MEI4: variants seen among roughly 807,000 people sequenced by gnomAD.
MEI4 encodes the protein meiosis-specific protein MEI4.
Under a neutral mutation model 31.4 loss-of-function variants are expected in MEI4, and 27 were observed. The observed-to-expected ratio is 0.86, with a 90% CI of 0.63 to 1.19. MEI4 has a LOEUF of 1.19. Ranked by LOEUF, MEI4 falls within the 50% of genes most tolerant of loss-of-function variation. The probability of loss-of-function intolerance (pLI) is 0.00; values close to 1 mark genes in which losing one functional copy is unlikely to be tolerated. For missense variants in MEI4, 329 were observed against 398.9 expected, an observed-to-expected ratio of 0.82 and a Z score of 1.49; for synonymous variants, 122 against 145.4, an observed-to-expected ratio of 0.84 and a Z score of 1.16.
intron 3 of MEI4, among the ~76,000 whole-genome samples, chr6:77,816,940 C>G (rs541626260): frequency 6.6e-6 from 1 of 152,100 alleles, no homozygotes; most frequent in Non-Finnish European, 1.5e-5. Flanking sequence ...AGACATGTAT[C>G]TGTTAAGATC....
At chr6:77,803,215 ATTCAT>A (rs1009074458) in intron 3 of MEI4, among the ~76,000 whole-genome samples, 2 of 151,982 alleles carry the variant, frequency 1.3e-5, no homozygotes, top group African/African-American at 4.8e-5. Context: ...ACTTCATTTC[ATTCAT>A]TTCATCTTCC....
intron 2 of MEI4, among the ~76,000 whole-genome samples, chr6:77,712,582 T>C (rs913493661): frequency 1.3e-5 from 2 of 152,202 alleles, no homozygotes; most frequent in Non-Finnish European, 2.9e-5. Flanking sequence ...AAAAGACTTA[T>C]AGATACTAAT....
At chr6:77,907,187 G>A (rs1363991107) in intron 4 of MEI4, among the ~76,000 whole-genome samples, 2 of 151,936 alleles carry the variant, frequency 1.3e-5, no homozygotes, top group East Asian at 3.9e-4. Flanking sequence ...TGCATAACAT[G>A]CAGGTTTGTT....
rs991122898 is a variant in MEI4, at chr6:77,847,459, A to G, written c.900+18397A>G. Among the ~76,000 whole-genome samples the G allele has an allele frequency of 1.3e-5, 2 of 152,194 alleles. No individual in the cohort carries two copies. The highest frequency in any genetic ancestry group is 2.9e-5 in the Non-Finnish European group (2 of 68,036). ...ATGATGAGGTCTATCAGTCACTGAA[A>G]AGAAGTCAGCAGAGTCATTTCAGTG... On this transcript the variant is annotated intron_variant, in intron 4 of 4. Transcript: ENST00000684080. The surrounding 1 kb of genome is among the most constrained non-coding windows in gnomAD (Gnocchi z 4.6).
At chr6:77,906,320 T>G (rs1018317031) in intron 4 of MEI4, among the ~76,000 whole-genome samples, 3 of 152,146 alleles carry the variant, frequency 2.0e-5, no homozygotes, top group African/African-American at 7.2e-5. Context: ...CATACTAGTT[T>G]TGGTGTTGAA....
intron 1 of MEI4, among the ~76,000 whole-genome samples, chr6:77,659,215 C>A (rs2127641636): frequency 6.6e-6 from 1 of 152,144 alleles, no homozygotes; most frequent in African/African-American, 2.4e-5. Flanking sequence ...TGGAATAACT[C>A]TTTTTTGTCG....
intron 3 of MEI4, among the ~76,000 whole-genome samples, chr6:77,818,128 T>C (rs948446656): frequency 6.6e-6 from 1 of 152,050 alleles, no homozygotes; most frequent in Admixed American, 6.6e-5. Flanking sequence ...GTTGTTGTTA[T>C]CATCTACACT....
At chr6:77,761,747 C>T (rs1582114526) in intron 3 of MEI4, 82 bp downstream of exon 3, 1 of 1,004,594 alleles carries the variant, frequency 1.0e-6, no homozygotes, top group Non-Finnish European at 1.3e-6. Context: ...GTTGTTGTCC[C>T]TTAGCCTTGT....
intron 3 of MEI4, among the ~76,000 whole-genome samples, chr6:77,768,031 A>C (rs1768217806): frequency 6.6e-6 from 1 of 152,158 alleles, no homozygotes; most frequent in African/African-American, 2.4e-5. Context: ...CATGGAACTT[A>C]TTATCTGTTC....
At position 77,728,099 on chromosome 6, in the gene MEI4, G is replaced by A. The variant is rs555133940; in HGVS notation, c.233-33031G>A. 2.6e-5 allele frequency among the ~76,000 whole-genome samples: 4 copies of A among 152,144 alleles called. No homozygotes were observed. In the East Asian group the frequency reaches 7.7e-4, roughly 29 times the overall value. On this transcript the variant is annotated intron_variant, in intron 2 of 4. Coordinates refer to ENST00000684080, the MANE Select transcript of MEI4 (RefSeq NM_001322247.2). ...GGTGAATTAAAATTGCAGACTTGTT[G>A]TGCTTGTTCAGGTGTGATATAGTAA... is the stretch of plus-strand genomic sequence containing the variant.
intron 3 of MEI4, among the ~76,000 whole-genome samples, chr6:77,772,343 C>A (rs1269353130): frequency 6.6e-6 from 1 of 151,460 alleles, no homozygotes; most frequent in Non-Finnish European, 1.5e-5. Flanking sequence ...AACCAAATTC[C>A]ACAACACATT....
intron 2 of MEI4, among the ~76,000 whole-genome samples, chr6:77,751,454 C>A (rs932156712): frequency 2.6e-5 from 4 of 152,056 alleles, no homozygotes; most frequent in South Asian, 2.1e-4. Flanking sequence ...ATGTATCCCA[C>A]AGAAATACAA....
At chr6:77,654,607 A>G (rs189360813) in intron 1 of MEI4, among the ~76,000 whole-genome samples, 13 of 121,638 alleles carry the variant, frequency 1.1e-4, no homozygotes, top group Non-Finnish European at 2.0e-4. Flanking sequence ...TTTATTTTTT[A>G]TGTTCATTAT....
chr6:77,762,756 C>T (rs557459199), intron 3 of MEI4, among the ~76,000 whole-genome samples: 1 of 152,188 alleles, frequency 6.6e-6, no homozygotes, highest in South Asian at 2.1e-4. Context: ...ATTTTAAAAA[C>T]TTTGTGAGTA....
intron 2 of MEI4, among the ~76,000 whole-genome samples, chr6:77,699,752 T>G (rs1233082494): frequency 6.6e-6 from 1 of 152,056 alleles, no homozygotes; most frequent in East Asian, 1.9e-4. Flanking sequence ...TACAGATGGG[T>G]TTTTGGTGTG....
intron 1 of MEI4, among the ~76,000 whole-genome samples, 50 bp downstream of exon 1, chr6:77,653,142 G>A (rs1357014603): frequency 1.3e-5 from 2 of 152,172 alleles, no homozygotes; most frequent in African/African-American, 2.4e-5. Flanking sequence ...TTGCCAGTAG[G>A]TTGATAAAGT....
intron 4 of MEI4, among the ~76,000 whole-genome samples, chr6:77,832,528 T>A (rs190071838): frequency 6.6e-6 from 1 of 152,088 alleles, no homozygotes; most frequent in Non-Finnish European, 1.5e-5. Flanking sequence ...TCATAGTCCA[T>A]CAAATATTTT....
chr6:77,731,771 G>A (rs1767000439), intron 2 of MEI4, among the ~76,000 whole-genome samples: 1 of 151,846 alleles, frequency 6.6e-6, no homozygotes. Context: ...GGTCTAACAT[G>A]TAAGTCTTTA....
chr6:77,818,752 G>C (rs999789603), intron 3 of MEI4, among the ~76,000 whole-genome samples: 1 of 151,982 alleles, frequency 6.6e-6, no homozygotes, highest in Non-Finnish European at 1.5e-5. Context: ...ATAGTGACAG[G>C]GTCTTGCTCT....
Sources: allele counts gnomAD v4.1 joint callset (sites outside exome capture counted in the v4.1 genomes callset), GRCh38; gene constraint gnomAD v4.1.1; non-coding constraint Gnocchi (gnomAD v3.1); transcripts MANE v1.5; gene names NCBI Gene and HGNC (gene_info 2026-07-23, HGNC 2026-07-21).